The following PHACTR3 variants were observed in gnomAD, a reference collection of about 807,000 sequenced individuals.
PHACTR3 encodes the protein phosphatase and actin regulator 3, also known as protein phosphatase 1, regulatory subunit 123.
Under a neutral mutation model 66.8 loss-of-function variants are expected in PHACTR3, and 16 were observed. That is an observed-to-expected ratio of 0.24 (90% CI 0.16 to 0.36). PHACTR3 has a LOEUF of 0.36. Ranked by LOEUF, PHACTR3 falls within the 10% of genes least tolerant of loss-of-function variation. The pLI is 1.00. For synonymous variants in PHACTR3, 323 were observed against 292.1 expected (o/e 1.11, Z -1.08); for missense variants, 647 against 719.9 (o/e 0.90, Z 1.16).
intron 1 of PHACTR3, among the ~76,000 whole-genome samples, chr20:59,577,873 C>T (rs930073856): frequency 6.6e-6 from 1 of 152,344 alleles, no homozygotes. Context: ...GAAGCGCTGG[C>T]GTTGGGGTCG....
At chr20:59,670,466 C>T (rs2036149658) in intron 1 of PHACTR3, among the ~76,000 whole-genome samples, 1 of 152,150 alleles carries the variant, frequency 6.6e-6, no homozygotes, top group Admixed American at 6.5e-5. Context: ...TCGTCCCCTG[C>T]CCTGGACAAG....
At chr20:59,672,705 C>G (rs1050153284) in intron 1 of PHACTR3, among the ~76,000 whole-genome samples, 2 of 152,228 alleles carry the variant, frequency 1.3e-5, no homozygotes, top group Non-Finnish European at 2.9e-5. Context: ...TCCTGAGACA[C>G]CACTGTGTGC....
chr20:59,584,559 A>G (rs565873011), intron 1 of PHACTR3, among the ~76,000 whole-genome samples: 2 of 152,290 alleles, frequency 1.3e-5, no homozygotes, highest in East Asian at 1.9e-4. Context: ...GTGTACGTGC[A>G]TGAGTGTATG....
intron 5 of PHACTR3, among the ~76,000 whole-genome samples, chr20:59,769,541 G>C (rs561619706): frequency 6.6e-6 from 1 of 152,196 alleles, no homozygotes; most frequent in Non-Finnish European, 1.5e-5. Flanking sequence ...CTCCAAAACT[G>C]TGAGAGTTGT....
intron 1 of PHACTR3, among the ~76,000 whole-genome samples, chr20:59,596,830 G>A (rs1409514255): frequency 2.0e-5 from 3 of 152,210 alleles, no homozygotes; most frequent in Non-Finnish European, 4.4e-5. Flanking sequence ...AACAAATATA[G>A]GTCACGTGCA....
rs1170169909 is a variant in PHACTR3, at chr20:59,774,481, A to G, written c.1165A>G (p.Ile389Val). ...YQDEEALNDS[I>V]ISGTLPRKCK... The stretch of plus-strand genomic sequence containing the variant: ...GGACGAGGAGGCGCTGAACGACTCC[A>G]TTATTTCTGGTGAGGAAAGGATGGC... Residue 389 changes from isoleucine to valine, a missense_variant, in exon 7 of 13, where the codon ATT (isoleucine) becomes GTT (valine). Transcript: ENST00000371015. The G allele has an allele frequency of 1.2e-6, 2 of 1,613,460 alleles. No homozygotes were observed. The highest frequency in any genetic ancestry group is 1.7e-5 in the Admixed American group (1 of 59,958).
rs1463037878 is a variant in PHACTR3 at position 59,695,564 on chromosome 20, T to C, written c.119-47543T>C. On this transcript the variant is annotated intron_variant, in intron 1 of 12. Transcript: ENST00000371015. Reference sequence around the variant, plus strand: ...TTATAGCAATCCAAGAATGGACTAATACAACCACTTCTGCTGTATCTTGGG... The same window carrying C: ...TTATAGCAATCCAAGAATGGACTAACACAACCACTTCTGCTGTATCTTGGG... 5.3e-5 allele frequency among the ~76,000 whole-genome samples: 8 copies of C among 152,242 alleles called. No individual in the cohort carries two copies. The East Asian group carries it at 1.5e-3, about 29-fold the overall frequency.
intron 1 of PHACTR3, among the ~76,000 whole-genome samples, chr20:59,715,247 G>T (rs1191246792): frequency 2.0e-5 from 3 of 151,932 alleles, no homozygotes; most frequent in Non-Finnish European, 4.4e-5. Flanking sequence ...TTAAGTATGG[G>T]TTTGCAATAG....
intron 1 of PHACTR3, among the ~76,000 whole-genome samples, chr20:59,612,007 C>T (rs936777737): frequency 6.6e-6 from 1 of 152,098 alleles, no homozygotes; most frequent in Non-Finnish European, 1.5e-5. Flanking sequence ...CTAGTCCTGT[C>T]GCATGGCCAA....
intron 12 of PHACTR3, 96 bp from the exon 13 acceptor site, chr20:59,847,019 T>C: frequency 2.3e-6 from 2 of 861,552 alleles, no homozygotes. Flanking sequence ...TGAGAATCTT[T>C]TTAATAGCAG....
intron 4 of PHACTR3, among the ~76,000 whole-genome samples, chr20:59,755,809 G>A (rs952093098): frequency 3.9e-5 from 6 of 152,210 alleles, no homozygotes; most frequent in Non-Finnish European, 8.8e-5. Context: ...AAGAGATGCT[G>A]AAGTCCCTGC....
chr20:59,657,021 A>G (rs1177809906), intron 1 of PHACTR3, among the ~76,000 whole-genome samples: 1 of 151,950 alleles, frequency 6.6e-6, no homozygotes, highest in African/African-American at 2.4e-5. Flanking sequence ...ACTTTATATG[A>G]ATTTATGTCT....
intron 1 of PHACTR3, among the ~76,000 whole-genome samples, chr20:59,683,228 G>A (rs998291415): frequency 1.3e-5 from 2 of 152,230 alleles, no homozygotes; most frequent in African/African-American, 4.8e-5. Context: ...CCGTGGTGGA[G>A]CAGGTTTCAG....
chr20:59,808,498 TTGGTAGACAGTGCCC>T (rs1381987462), intron 8 of PHACTR3, among the ~76,000 whole-genome samples: 1 of 152,186 alleles, frequency 6.6e-6, no homozygotes, highest in Non-Finnish European at 1.5e-5. Context: ...AGGGCTGGGC[TTGGTAGACAGTGCCC>T]TGGACAGCCC....
intron 1 of PHACTR3, among the ~76,000 whole-genome samples, chr20:59,646,118 C>T (rs1420991994): frequency 3.9e-5 from 6 of 152,210 alleles, no homozygotes; most frequent in African/African-American, 1.4e-4. Flanking sequence ...TCCAGCCAGT[C>T]CCTGGGGATG....
At chr20:59,693,062 G>A (rs767311441) in intron 1 of PHACTR3, among the ~76,000 whole-genome samples, 9 of 152,150 alleles carry the variant, frequency 5.9e-5, no homozygotes, top group South Asian at 2.1e-4. Context: ...TCACATTACC[G>A]TCATGACCAC....
intron 1 of PHACTR3, among the ~76,000 whole-genome samples, chr20:59,654,763 A>G (rs1035187987): frequency 1.1e-4 from 16 of 152,264 alleles, no homozygotes; most frequent in African/African-American, 3.4e-4. Flanking sequence ...TCCTTAGCTC[A>G]CAGAGACAAT....
intron 3 of PHACTR3, among the ~76,000 whole-genome samples, chr20:59,752,240 T>A (rs548766729): frequency 1.9e-4 from 29 of 152,362 alleles, no homozygotes; most frequent in Non-Finnish European, 2.8e-4. Flanking sequence ...GTGCTTGCAC[T>A]GTGCACATGT....
intron 1 of PHACTR3, among the ~76,000 whole-genome samples, chr20:59,609,408 TC>T (rs2033780059): frequency 6.6e-6 from 1 of 151,972 alleles, no homozygotes; most frequent in Non-Finnish European, 1.5e-5. Flanking sequence ...CACCTCCCTC[TC>T]CCAAGGTCAC....
Sources: gnomAD v4.1 joint callset for allele counts (sites outside exome capture counted in the v4.1 genomes callset) on GRCh38, gnomAD v4.1.1 for gene constraint, MANE v1.5 for transcripts, NCBI Gene and HGNC (gene_info 2026-07-23, HGNC 2026-07-21) for gene names.